Variants in EPHA6 observed in about 807,000 individuals in gnomAD.
EPHA6 encodes the protein EPH receptor A6.
In EPHA6, 50 loss-of-function variants were observed where a neutral mutation model predicts 112.0. The ratio of observed to expected loss-of-function variants is 0.45; its 90% CI spans 0.36 to 0.56. EPHA6 has a LOEUF of 0.56. EPHA6 is among the 20% of genes least tolerant of loss of function. The pLI, the probability that EPHA6 is intolerant of heterozygous loss-of-function variation, is 0.00. For synonymous variants in EPHA6, 529 were observed against 490.7 expected, an observed-to-expected ratio of 1.08 and a Z score of -1.03; for missense variants, 1,280 against 1,417.4, an observed-to-expected ratio of 0.90 and a Z score of 1.56.
At chr3:97,406,876 T>G (rs925951006) in intron 6 of EPHA6, among the ~76,000 whole-genome samples, 1 of 152,180 alleles carries the variant, frequency 6.6e-6, no homozygotes, top group African/African-American at 2.4e-5. Flanking sequence ...TATAGCACAC[T>G]ATCACAAGAA....
chr3:96,895,752 C>T (rs1230602522), intron 2 of EPHA6, among the ~76,000 whole-genome samples: 1 of 152,132 alleles, frequency 6.6e-6, no homozygotes, highest in Non-Finnish European at 1.5e-5. Flanking sequence ...CTAGTGTTTG[C>T]CTGTAATCCT....
intron 3 of EPHA6, among the ~76,000 whole-genome samples, chr3:97,088,449 C>G (rs1478084571): frequency 6.6e-6 from 1 of 152,070 alleles, no homozygotes; most frequent in Non-Finnish European, 1.5e-5. Context: ...TCTTAGATAC[C>G]TAGAGCTGTT....
chr3:97,560,718 G>GGAGAAA (rs2093177377), intron 11 of EPHA6: 1 of 151,980 alleles, frequency 6.6e-6, no homozygotes, highest in African/African-American at 2.4e-5. Flanking sequence ...GTCCTTCTAT[G>GGAGAAA]GACGTAGCAT....
chr3:97,610,874 T>C lies in EPHA6; in HGVS notation c.2574+20T>C, dbSNP rs763715079. On this transcript the variant is annotated intron_variant, in intron 13 of 17. Transcript: ENST00000389672. ...TTGCGGGTGAGGTGTTCTTTTCTGA[T>C]GGCATTTAAATAAGCTATTCTCAGT... is the stretch of plus-strand genomic sequence containing the variant. The C allele has an allele frequency of 3.2e-6, 5 of 1,580,654 alleles. No individual in the cohort carries two copies. The South Asian group carries it at 5.6e-5, about 18-fold the overall frequency.
In EPHA6 at chr3:97,368,174, G is replaced by A. The variant is rs183629710; in HGVS notation, c.1607-36976G>A. On this transcript the variant is annotated intron_variant, in intron 5 of 17. Coordinates refer to ENST00000389672, the MANE Select transcript of EPHA6 (RefSeq NM_001080448.3). ...AATGCCAGAAACTATCTTTTGTTCT[G>A]AGACAAATGTCAGTTAATCTTAACA... is the stretch of plus-strand genomic sequence containing the variant. 1.6e-3 allele frequency among the ~76,000 whole-genome samples: 251 copies of A among 152,158 alleles called. 1 individual carries two copies. The highest frequency in any genetic ancestry group is 5.5e-3 in the African/African-American group (228 of 41,528).
intron 5 of EPHA6, among the ~76,000 whole-genome samples, chr3:97,246,505 A>C (rs1230709979): frequency 6.6e-6 from 1 of 151,904 alleles, no homozygotes; most frequent in Admixed American, 6.6e-5. Context: ...ACATGAACTA[A>C]GAGGTGGTAT....
At chr3:97,336,494 C>T (rs1486480263) in intron 5 of EPHA6, among the ~76,000 whole-genome samples, 8 of 152,086 alleles carry the variant, frequency 5.3e-5, no homozygotes, top group African/African-American at 1.7e-4. Context: ...GTAGTAGAGC[C>T]AATCATGAAA....
intron 12 of EPHA6, among the ~76,000 whole-genome samples, chr3:97,600,051 G>T (rs1291897891): frequency 6.7e-6 from 1 of 150,360 alleles, no homozygotes; most frequent in African/African-American, 2.4e-5. Context: ...GTTCACTCAT[G>T]ATTTGGCTCT....
intron 1 of EPHA6, among the ~76,000 whole-genome samples, chr3:96,863,943 A>G (rs2036158198): frequency 6.6e-6 from 1 of 152,172 alleles, no homozygotes; most frequent in Non-Finnish European, 1.5e-5. Flanking sequence ...AATTAGAATA[A>G]AACTTATGAA....
chr3:97,033,336 C>G (rs1044060356), intron 3 of EPHA6, among the ~76,000 whole-genome samples: 1 of 151,866 alleles, frequency 6.6e-6, no homozygotes. Flanking sequence ...ATAATGTAGA[C>G]AAAATTTAAC....
chr3:97,225,469 T>C (rs1203190845), intron 3 of EPHA6, among the ~76,000 whole-genome samples: 1 of 152,226 alleles, frequency 6.6e-6, no homozygotes, highest in Non-Finnish European at 1.5e-5. Context: ...GCAATGTTTC[T>C]CATATATTAT....
chr3:97,215,624 A>T (rs1023759850), intron 3 of EPHA6, among the ~76,000 whole-genome samples: 37 of 151,146 alleles, frequency 2.4e-4, no homozygotes, highest in African/African-American at 8.4e-4. Flanking sequence ...AAAAAAAAAA[A>T]ATAGAAAATT....
chr3:97,230,680 A>G (rs917634467), intron 4 of EPHA6, among the ~76,000 whole-genome samples: 1 of 152,192 alleles, frequency 6.6e-6, no homozygotes, highest in African/African-American at 2.4e-5. Flanking sequence ...ATTTACTAAC[A>G]TGTACCTCGT....
intron 3 of EPHA6, among the ~76,000 whole-genome samples, chr3:97,083,558 A>G (rs898742444): frequency 2.6e-5 from 4 of 151,836 alleles, no homozygotes; most frequent in Admixed American, 2.6e-4. Context: ...ACCTTTCTCT[A>G]TAGCGTTTTT....
intron 14 of EPHA6, chr3:97,648,265 C>G (rs757353041): frequency 2.3e-6 from 2 of 869,604 alleles, no homozygotes; most frequent in Non-Finnish European, 3.9e-6. Flanking sequence ...CATCTTAATT[C>G]TGTTTACTTT....
rs2036036793 is a variant in EPHA6 at position 97,756,799 on chromosome 3, A to G, written c.*8098A>G. Reference sequence around the variant, plus strand: ...AACATGAGTAACATTTGATGTAAAGATTATGGTGTGTGCTTGATTTTGGAT... The same window carrying G: ...AACATGAGTAACATTTGATGTAAAGGTTATGGTGTGTGCTTGATTTTGGAT... On this transcript the variant is annotated 3_prime_UTR_variant, in exon 18 of 18. Transcript: ENST00000389672. 6.6e-6 allele frequency among the ~76,000 whole-genome samples: 1 copy of G among 151,836 alleles called. No individual in the cohort carries two copies. Among genetic ancestry groups the G allele is most frequent in the South Asian group, 2.1e-4 (1 of 4,826 alleles).
intron 2 of EPHA6, among the ~76,000 whole-genome samples, chr3:96,932,740 G>T: frequency 6.6e-6 from 1 of 152,104 alleles, no homozygotes; most frequent in East Asian, 1.9e-4. Context: ...TCACAGATTA[G>T]TTCACCACCA....
At chr3:97,024,012 C>T (rs937542451) in intron 3 of EPHA6, among the ~76,000 whole-genome samples, 3 of 152,012 alleles carry the variant, frequency 2.0e-5, no homozygotes, top group Non-Finnish European at 2.9e-5. Context: ...TCTCTTTTTA[C>T]TTAGAGGAAT....
chr3:96,819,107 T>C (rs188691908), intron 1 of EPHA6, among the ~76,000 whole-genome samples: 143 of 152,076 alleles, frequency 9.4e-4, no homozygotes, highest in African/African-American at 3.2e-3. Flanking sequence ...AAATTATACA[T>C]AATCCTTAAG....
Sources: gnomAD v4.1 joint callset for allele counts (sites outside exome capture counted in the v4.1 genomes callset) on GRCh38, gnomAD v4.1.1 for gene constraint, MANE v1.5 for transcripts, NCBI Gene and HGNC (gene_info 2026-07-23, HGNC 2026-07-21) for gene names.